Variants in SATL1 observed in about 807,000 individuals in gnomAD.
The protein encoded by SATL1 is spermidine/spermine N1-acetyl transferase like 1.
SATL1 carries 47 observed loss-of-function variants against 51.8 expected under a neutral mutation model. That is an observed-to-expected ratio of 0.91 (90% CI 0.72 to 1.16). SATL1 has a LOEUF of 1.16. Among genes scored for constraint, SATL1 ranks in the 50% most tolerant of loss-of-function variants. The pLI is 0.00. For synonymous variants in SATL1, 176 were observed against 182.4 expected (o/e 0.97, Z 0.28); for missense variants, 520 against 526.4 (o/e 0.99, Z 0.12).
chrX:85,188,925 T>C (rs771106434), intron 2 of SATL1, among the ~76,000 whole-genome samples: 2 of 111,916 alleles, frequency 1.8e-5, no homozygotes, highest in East Asian at 5.7e-4. Flanking sequence ...GACAAAGCAT[T>C]ATCTACATTG....
chrX:85,095,008 A>G lies in SATL1; in HGVS notation c.1694-12T>C, dbSNP rs376774708. 6.1e-5 allele frequency: 59 copies of G among 962,457 alleles called. 1 individual carries two copies. In the African/African-American group the frequency reaches 1.1e-3, roughly 17 times the overall value. 79.3% of individuals were successfully genotyped at this position (962,457 alleles called of 1,213,427 possible). A position where few individuals can be genotyped will look rare whatever the true frequency, so the allele number is the denominator to read the frequency against. ...ATCTCTGAGTAAATCTGAAATATCA[A>G]TTCATATATAGGATGTCAGAAAGTT... On this transcript the variant is annotated splice_polypyrimidine_tract_variant and intron_variant, in intron 4 of 7. Coordinates refer to ENST00000644105, the MANE Select transcript of SATL1 (RefSeq NM_001367857.2).
At chrX:85,146,700 AC>A (rs1926249352) in intron 2 of SATL1, among the ~76,000 whole-genome samples, 1 of 112,282 alleles carries the variant, frequency 8.9e-6, no homozygotes, top group Non-Finnish European at 1.9e-5. Context: ...GGGTAACCTG[AC>A]AAAAATTCTG....
chrX:85,182,767 A>G (rs956571854), intron 2 of SATL1, among the ~76,000 whole-genome samples: 10 of 111,401 alleles, frequency 9.0e-5, no homozygotes, highest in African/African-American at 3.3e-4. Flanking sequence ...TGTCTTATTG[A>G]TAATATGCAT....
intron 2 of SATL1, among the ~76,000 whole-genome samples, chrX:85,186,522 C>T (rs1927317421): frequency 9.0e-6 from 1 of 111,287 alleles, no homozygotes; most frequent in African/African-American, 3.3e-5. Flanking sequence ...CAGGCTTTTA[C>T]GTGACTGGGA....
At chrX:85,164,845 C>T (rs898420039) in intron 2 of SATL1, among the ~76,000 whole-genome samples, 1 of 109,189 alleles carries the variant, frequency 9.2e-6, no homozygotes, top group Non-Finnish European at 1.9e-5. Flanking sequence ...CTGCCTCAGC[C>T]TCCCGAGTAG....
intron 2 of SATL1, among the ~76,000 whole-genome samples, chrX:85,163,900 C>T (rs971387104): frequency 3.6e-5 from 4 of 111,884 alleles, no homozygotes; most frequent in Non-Finnish European, 7.5e-5. Flanking sequence ...TGTCGCATTT[C>T]TTAAGTCTAG....
At chrX:85,149,198 A>G (rs945151804) in intron 2 of SATL1, among the ~76,000 whole-genome samples, 5 of 111,574 alleles carry the variant, frequency 4.5e-5, no homozygotes, top group African/African-American at 1.3e-4. Context: ...TAAACCAACA[A>G]AGATCAAAAG....
intron 4 of SATL1, among the ~76,000 whole-genome samples, chrX:85,100,856 C>T (rs1273155015): frequency 8.9e-6 from 1 of 111,835 alleles, no homozygotes; most frequent in Non-Finnish European, 1.9e-5. Flanking sequence ...AAAGGACAGA[C>T]ATATAGACCA....
At chrX:85,217,617 G>A (rs1195907309) in intron 2 of SATL1, among the ~76,000 whole-genome samples, 2 of 111,681 alleles carry the variant, frequency 1.8e-5, no homozygotes, top group Non-Finnish European at 3.8e-5. Context: ...AAGGATACAT[G>A]GTAACCAAGC....
chrX:85,108,948 G>C lies in SATL1; in HGVS notation c.21C>G (p.Asn7Lys), dbSNP rs753070942. The C allele has an allele frequency of 8.3e-7, 1 of 1,205,064 alleles. No individual in the cohort carries two copies. The highest frequency in any genetic ancestry group is 2.2e-5 in the Admixed American group (1 of 45,372). Residue 7 changes from asparagine (N) to lysine (K), a missense_variant, in exon 3 of 8, where the codon AAC becomes AAG. This residue lies in a region of SATL1 where 22 missense variants were observed against 23.8 expected (regional missense o/e 0.92). Coordinates refer to ENST00000644105, the MANE Select transcript of SATL1 (RefSeq NM_001367857.2). ...GGTTCGAGTCTGATAAACTTGATTG[G>C]TTCGTGCCTGATTGGTTCATGCCCA... MNQSGTNQSSLSDSNQA... is the reference protein window; with the variant it reads MNQSGTKQSSLSDSNQA...
chrX:85,243,538 G>A (rs1418699867), intron 1 of SATL1, 50 bp downstream of exon 1: 1 of 112,022 alleles, frequency 8.9e-6, no homozygotes, highest in Non-Finnish European at 1.9e-5. Flanking sequence ...ATGAAGGGAG[G>A]GAGGAAGGGA....
intron 2 of SATL1, among the ~76,000 whole-genome samples, chrX:85,200,007 A>G (rs770108454): frequency 4.5e-5 from 5 of 112,094 alleles, no homozygotes; most frequent in Non-Finnish European, 9.4e-5. Context: ...TGGATACCCC[A>G]TTTACCCTGA....
At chrX:85,144,750 G>C (rs185663392) in intron 2 of SATL1, among the ~76,000 whole-genome samples, 126 of 111,825 alleles carry the variant, frequency 1.1e-3, no homozygotes, top group African/African-American at 4.0e-3. Context: ...GGGCTGTCTG[G>C]GTGCAGTGGC....
intron 2 of SATL1, among the ~76,000 whole-genome samples, chrX:85,201,897 C>T (rs182098459): frequency 6.9e-4 from 78 of 112,245 alleles, no homozygotes; most frequent in Non-Finnish European, 1.2e-3. Flanking sequence ...CATGTCTTCG[C>T]TATTGTGAAC....
At chrX:85,227,111 CA>C (rs1402799792) in intron 1 of SATL1, among the ~76,000 whole-genome samples, 1 of 111,426 alleles carries the variant, frequency 9.0e-6, no homozygotes, top group Non-Finnish European at 1.9e-5. Flanking sequence ...AGCATACAAC[CA>C]CACTTATTGG....
intron 2 of SATL1, among the ~76,000 whole-genome samples, chrX:85,119,731 T>TA (rs1194392993): frequency 2.7e-5 from 3 of 111,047 alleles, no homozygotes; most frequent in African/African-American, 3.3e-5. Flanking sequence ...CTTTTTATGT[T>TA]AAAAAAATCT....
intron 2 of SATL1, among the ~76,000 whole-genome samples, chrX:85,134,167 A>G (rs866584917): frequency 9.2e-6 from 1 of 109,056 alleles, no homozygotes; most frequent in African/African-American, 3.3e-5. Flanking sequence ...ATGTATATAT[A>G]TGTGTGTGTG....
chrX:85,175,193 T>A (rs1016714264), intron 2 of SATL1, among the ~76,000 whole-genome samples: 1 of 111,734 alleles, frequency 8.9e-6, no homozygotes, highest in African/African-American at 3.3e-5. Context: ...TTAGAACCTC[T>A]AGGGCACACC....
chrX:85,215,834 GTCT>G (rs1201392561), intron 2 of SATL1, among the ~76,000 whole-genome samples: 1 of 112,287 alleles, frequency 8.9e-6, no homozygotes, highest in African/African-American at 3.2e-5. Context: ...CTGTCTCCCA[GTCT>G]TCTTCTGAGT....
Sources: gnomAD v4.1 joint callset for allele counts (sites outside exome capture counted in the v4.1 genomes callset) on GRCh38, gnomAD v4.1.1 for gene constraint, gnomAD v4.1.1 regional missense constraint, MANE v1.5 for transcripts, NCBI Gene and HGNC (gene_info 2026-07-23, HGNC 2026-07-21) for gene names.